Variants in FGF7 observed in about 807,000 individuals in gnomAD.
The protein encoded by FGF7 is fibroblast growth factor 7.
FGF7 carries 6 observed loss-of-function variants against 20.5 expected under a neutral mutation model. That is an observed-to-expected ratio of 0.29 (90% CI 0.16 to 0.58). FGF7 has a LOEUF of 0.58. Ranked by LOEUF, FGF7 falls within the 20% of genes least tolerant of loss-of-function variation. FGF7 has a pLI of 0.90. For synonymous variants in FGF7, 64 were observed against 74.7 expected, an observed-to-expected ratio of 0.86 and a Z score of 0.74; for missense variants, 144 against 228.8, an observed-to-expected ratio of 0.63 and a Z score of 2.39.
intron 2 of FGF7, among the ~76,000 whole-genome samples, chr15:49,443,587 T>C (rs2051886022): frequency 6.6e-6 from 1 of 151,716 alleles, no homozygotes; most frequent in South Asian, 2.1e-4. Context: ...AATGAGAAAA[T>C]AGTTTTCTAG....
At chr15:49,455,772 A>T (rs190781195) in intron 2 of FGF7, among the ~76,000 whole-genome samples, 1 of 152,280 alleles carries the variant, frequency 6.6e-6, no homozygotes, top group East Asian at 1.9e-4. Flanking sequence ...CACTTTGGGT[A>T]TGGTCAATAG....
chr15:49,453,468 A>G (rs1200241015), intron 2 of FGF7, among the ~76,000 whole-genome samples: 2 of 152,114 alleles, frequency 1.3e-5, no homozygotes, highest in African/African-American at 4.8e-5. Flanking sequence ...TCAAAATCCA[A>G]TGCATGTTTT....
At chr15:49,458,121 A>G (rs1597330046) in intron 2 of FGF7, among the ~76,000 whole-genome samples, 1 of 152,012 alleles carries the variant, frequency 6.6e-6, no homozygotes, top group African/African-American at 2.4e-5. Flanking sequence ...TCAGCTTGAT[A>G]AGATGGACAA....
intron 2 of FGF7, chr15:49,425,393 A>G (rs1288553921): frequency 1.3e-5 from 2 of 152,042 alleles, no homozygotes; most frequent in Admixed American, 1.3e-4. Flanking sequence ...AATGGTTATG[A>G]TGAATAACCA....
rs1312147514 is a variant in FGF7, at chr15:49,486,941, C to T, written c.*2437C>T. On this transcript the variant is annotated 3_prime_UTR_variant, in exon 4 of 4. Coordinates refer to ENST00000267843, the MANE Select transcript of FGF7 (RefSeq NM_002009.4). ...CTAGGAAATTGAGATTTTGATACAC[C>T]TAAGGTCACGCAGCTGGGTAGATAT... 6.6e-6 allele frequency: 1 copy of T among 151,866 alleles called. No individual in the cohort carries two copies. The highest frequency in any genetic ancestry group is 6.6e-5 in the Admixed American group (1 of 15,214). The allele number at this position is 151,866 out of a possible 1,614,324, so 9.4% of individuals were successfully genotyped here.
Position 49,424,438 on chromosome 15 carries a change from C to G in FGF7, c.141C>G (p.Ser47=), listed in dbSNP as rs768087610. ...PEQMATNVNC[S]SPERHTRSYD... is the part of the protein sequence containing the mutation. The stretch of plus-strand genomic sequence containing the variant: ...AAATGGCTACAAATGTGAACTGTTC[C>G]AGCCCTGAGCGACACACAAGAAGTT... The change falls in exon 2 of 4, where the codon TCC becomes TCG. Residue 47 remains serine (S), a synonymous_variant. Transcript: ENST00000267843. 2 of 1,613,580 alleles carry G rather than the reference C, an allele frequency of 1.2e-6. No individual in the cohort carries two copies. Among genetic ancestry groups the G allele is most frequent in the Non-Finnish European group, 1.7e-6 (2 of 1,179,680 alleles).
Position 49,439,611 on chromosome 15 carries a change from A to C in FGF7, c.286+15028A>C, listed in dbSNP as rs1041249264. Among the ~76,000 whole-genome samples the C allele has an allele frequency of 2.0e-5, 3 of 151,770 alleles. No homozygotes were observed. In the East Asian group the frequency reaches 5.8e-4, roughly 30 times the overall value. ...ACAATAGAAGAGAAACAGAGCAATAAGTTTGTGGAATAAGCTTGTTTCTGA... is the reference window on the plus strand; with the variant it reads ...ACAATAGAAGAGAAACAGAGCAATACGTTTGTGGAATAAGCTTGTTTCTGA... On this transcript the variant is annotated intron_variant, in intron 2 of 3. Transcript: ENST00000267843.
chr15:49,468,105 T>C (rs2054425290), intron 2 of FGF7, among the ~76,000 whole-genome samples: 1 of 152,208 alleles, frequency 6.6e-6, no homozygotes, highest in Non-Finnish European at 1.5e-5. Context: ...AAAGATTTTC[T>C]AATGTTTTAT....
intron 2 of FGF7, among the ~76,000 whole-genome samples, chr15:49,473,280 A>G (rs996767084): frequency 3.9e-5 from 6 of 152,172 alleles, no homozygotes; most frequent in African/African-American, 1.4e-4. Flanking sequence ...TATTATATAA[A>G]TAAGTTCATT....
At chr15:49,482,606 G>A (rs1404626930) in intron 2 of FGF7, among the ~76,000 whole-genome samples, 1 of 151,948 alleles carries the variant, frequency 6.6e-6, no homozygotes, top group Non-Finnish European at 1.5e-5. Flanking sequence ...AAATAGAAAA[G>A]TAATTATATA....
intron 2 of FGF7, among the ~76,000 whole-genome samples, chr15:49,468,679 T>C (rs1281253842): frequency 6.6e-6 from 1 of 152,116 alleles, no homozygotes. Flanking sequence ...CCCTTCAAAG[T>C]GAAAGTCAAT....
chr15:49,455,720 A>G (rs941799717), intron 2 of FGF7, among the ~76,000 whole-genome samples: 4 of 152,198 alleles, frequency 2.6e-5, no homozygotes, highest in African/African-American at 9.6e-5. Context: ...CATCAAATGT[A>G]TGCTATTTTC....
At chr15:49,467,083 G>T (rs1026904081) in intron 2 of FGF7, among the ~76,000 whole-genome samples, 6 of 152,226 alleles carry the variant, frequency 3.9e-5, no homozygotes, top group African/African-American at 1.4e-4. Context: ...GTTAAAGAGG[G>T]AGGGAAGAAA....
In FGF7 at chr15:49,486,854, C is replaced by T. The variant is rs1467834788; in HGVS notation, c.*2350C>T. On this transcript the variant is annotated 3_prime_UTR_variant, in exon 4 of 4. Transcript: ENST00000267843. ...AAATAAAATTTGCTCTAGTTACACA[C>T]CTTTAGAATTCTAGAATATTAAAAC... 3.4e-4 allele frequency: 52 copies of T among 151,784 alleles called. No homozygotes were observed. Among genetic ancestry groups the T allele is most frequent in the Admixed American group, 3.0e-3 (45 of 15,196 alleles). 9.4% of individuals were successfully genotyped at this position (151,784 alleles called of 1,614,324 possible).
intron 2 of FGF7, among the ~76,000 whole-genome samples, chr15:49,464,085 A>G (rs1011907500): frequency 1.3e-5 from 2 of 152,054 alleles, no homozygotes; most frequent in African/African-American, 4.8e-5. Flanking sequence ...CAATAATTCT[A>G]TTAGTTTCAT....
At chr15:49,460,943 A>T (rs2053737224) in intron 2 of FGF7, among the ~76,000 whole-genome samples, 1 of 152,194 alleles carries the variant, frequency 6.6e-6, no homozygotes, top group Non-Finnish European at 1.5e-5. Context: ...GCCAAATTCC[A>T]CTATGTCAAA....
intron 2 of FGF7, among the ~76,000 whole-genome samples, chr15:49,442,896 G>A (rs539301230): frequency 1.3e-5 from 2 of 151,794 alleles, no homozygotes; most frequent in Admixed American, 1.3e-4. Flanking sequence ...TAATGATTAG[G>A]TTGATTAGGA....
chr15:49,459,650 A>G (rs544219323), intron 2 of FGF7, among the ~76,000 whole-genome samples: 57 of 152,228 alleles, frequency 3.7e-4, no homozygotes, highest in African/African-American at 1.3e-3. Context: ...TAAAACTAGT[A>G]TTTCTATAGT....
chr15:49,424,185 T>A lies in FGF7; in HGVS notation c.-113T>A, dbSNP rs1334583967. On this transcript the variant is annotated 5_prime_UTR_variant, in exon 2 of 4. Coordinates refer to ENST00000267843, the MANE Select transcript of FGF7 (RefSeq NM_002009.4). ...ATTTGGAAAGAGCAACTACTCTTTC[T>A]TAAATCAATCTACAATTCACAGATA... 1 of 984,966 alleles carries A rather than the reference T, an allele frequency of 1.0e-6. No homozygotes were observed. Among genetic ancestry groups the A allele is most frequent in the Non-Finnish European group, 1.5e-6 (1 of 658,964 alleles). 61.0% of individuals were successfully genotyped at this position (984,966 alleles called of 1,614,324 possible).
Sources: allele counts gnomAD v4.1 joint callset (sites outside exome capture counted in the v4.1 genomes callset), GRCh38; gene constraint gnomAD v4.1.1; transcripts MANE v1.5; gene names NCBI Gene and HGNC (gene_info 2026-07-23, HGNC 2026-07-21).